The following HACL2 variants were observed in gnomAD, a reference collection of about 807,000 sequenced individuals.
The protein encoded by HACL2 is 2-hydroxyacyl-CoA lyase 1 like.
the HACL2 span, chr19:15,124,320 TGAGG>T: frequency 1.0e-4 from 16 of 153,682 alleles, no homozygotes; most frequent in East Asian, 5.8e-4. Flanking sequence ...GAGAAAGGGT[TGAGG>T]AAGGGGTCTG....
the HACL2 span, chr19:15,124,585 G>C: frequency 3.2e-6 from 1 of 315,410 alleles, no homozygotes; most frequent in Admixed American, 4.7e-5. Flanking sequence ...CCACCCCCTC[G>C]CTGGAGCCTG....
chr19:15,125,230 A>G, the HACL2 span: 1 of 713,648 alleles, frequency 1.4e-6, no homozygotes, highest in African/African-American at 1.8e-5. Context: ...TTGTGCGCCT[A>G]GGCTCGGGGT....
At chr19:15,124,880 C>T in the HACL2 span, 1 of 1,565,334 alleles carries the variant, frequency 6.4e-7, no homozygotes, top group Non-Finnish European at 8.6e-7. Context: ...GAGGCCCCTC[C>T]CTCTTTGACT....
chr19:15,122,458 C>A, the HACL2 span, among the ~76,000 whole-genome samples: 2 of 152,002 alleles, frequency 1.3e-5, no homozygotes, highest in Admixed American at 1.3e-4. This position sits in a 1 kb window ranked among gnomAD's most constrained non-coding sequence, Gnocchi z 4.0. Flanking sequence ...AGGAGGAGGG[C>A]TGTCCTGAGC....
At chr19:15,117,748 TG>T in the HACL2 span, 1 of 889,388 alleles carries the variant, frequency 1.1e-6, no homozygotes, top group Non-Finnish European at 1.7e-6. Context: ...TATTTGTCTC[TG>T]GTTGACTGGC....
chr19:15,125,001 A>C, the HACL2 span: 2 of 1,591,254 alleles, frequency 1.3e-6, no homozygotes, highest in Non-Finnish European at 1.7e-6. Context: ...CCCGCAGGCC[A>C]GGAGCAGGAA....
At chr19:15,116,483 A>C in the HACL2 span, 1 of 1,613,824 alleles carries the variant, frequency 6.2e-7, no homozygotes, top group South Asian at 1.1e-5. Context: ...CTGGCCCTGA[A>C]GGCCCTCCAC....
At chr19:15,116,527 G>A in the HACL2 span, 6 of 1,609,304 alleles carry the variant, frequency 3.7e-6, no homozygotes, top group South Asian at 6.6e-5. Context: ...CATCTCCTGG[G>A]GAAGGAAGAG....
the HACL2 span, chr19:15,115,962 A>G: frequency 0.026 from 42,240 of 1,613,988 alleles, 671 homozygotes; most frequent in Non-Finnish European, 0.03. Flanking sequence ...GTGGATCAGG[A>G]CCTAGAGAGC....
chr19:15,119,592 C>T, the HACL2 span: 2 of 1,273,814 alleles, frequency 1.6e-6, no homozygotes, highest in East Asian at 2.5e-5. Flanking sequence ...ACTCTGTTGC[C>T]CAGGATAGAG....
chr19:15,116,634 G>T, the HACL2 span: 1 of 810,626 alleles, frequency 1.2e-6, no homozygotes, highest in Non-Finnish European at 2.0e-6. Context: ...AGGCAGACGG[G>T]AAGCAGGCCA....
the HACL2 span, chr19:15,119,446 G>A: frequency 6.2e-7 from 1 of 1,614,172 alleles, no homozygotes; most frequent in African/African-American, 1.3e-5. Flanking sequence ...GTTGGGGTGA[G>A]CAGGGCCTGA....
the HACL2 span, among the ~76,000 whole-genome samples, chr19:15,121,079 T>A: frequency 6.6e-6 from 1 of 151,820 alleles, no homozygotes; most frequent in Non-Finnish European, 1.5e-5. Context: ...ACCAAAATGG[T>A]GAAACCTCAT....
At chr19:15,124,912 C>T in the HACL2 span, 11 of 1,597,376 alleles carry the variant, frequency 6.9e-6, no homozygotes, top group Non-Finnish European at 8.5e-6. Context: ...ACCTCCCATT[C>T]TGTGCCCCGC....
chr19:15,125,383 CT>C, the HACL2 span: 1 of 317,270 alleles, frequency 3.2e-6, no homozygotes, highest in Admixed American at 4.8e-5. Context: ...CACTTACCTA[CT>C]TGTCAATGGA....
the HACL2 span, chr19:15,119,503 C>T: frequency 6.2e-7 from 1 of 1,613,988 alleles, no homozygotes; most frequent in Admixed American, 1.7e-5. Flanking sequence ...AGGATCTCCA[C>T]ACAGCGCTGA....
chr19:15,124,894 C>G, the HACL2 span: 1 of 1,581,354 alleles, frequency 6.3e-7, no homozygotes, highest in Non-Finnish European at 8.6e-7. Flanking sequence ...TTTGACTGCC[C>G]CCAGCCCACC....
At chr19:15,117,990 G>C in the HACL2 span, 2 of 1,614,196 alleles carry the variant, frequency 1.2e-6, no homozygotes, top group Non-Finnish European at 1.7e-6. Context: ...CACGGCCATA[G>C]GATAGGCGGA....
the HACL2 span, among the ~76,000 whole-genome samples, chr19:15,120,562 C>T: frequency 7.2e-5 from 11 of 152,250 alleles, no homozygotes; most frequent in African/African-American, 2.7e-4. Flanking sequence ...AGGGTCTTCT[C>T]GGTCTCCTTG....
Sources: allele counts gnomAD v4.1 joint callset (sites outside exome capture counted in the v4.1 genomes callset), GRCh38; gene constraint gnomAD v4.1.1; non-coding constraint Gnocchi (gnomAD v3.1); transcripts MANE v1.5; gene names NCBI Gene and HGNC (gene_info 2026-07-23, HGNC 2026-07-21).